The following ARFGEF3 variants were observed in gnomAD, a reference collection of about 807,000 sequenced individuals.
ARFGEF3 encodes brefeldin A-inhibited guanine nucleotide-exchange protein 3.
ARFGEF3 carries 96 observed loss-of-function variants against 221.7 expected under a neutral mutation model. The observed-to-expected ratio is 0.43, with a 90% CI of 0.37 to 0.51. ARFGEF3 has a LOEUF of 0.51. Among genes scored for constraint, ARFGEF3 ranks in the 20% least tolerant of loss-of-function variants. The pLI is 0.00. For missense variants in ARFGEF3, 2,410 were observed against 2,789.9 expected (o/e 0.86, Z 3.07); for synonymous variants, 1,145 against 1,126.8 (o/e 1.02, Z -0.32).
At chr6:138,278,659 G>A in intron 13 of ARFGEF3, 42 bp downstream of exon 13, 1 of 1,603,638 alleles carries the variant, frequency 6.2e-7, no homozygotes, top group East Asian at 2.2e-5. Flanking sequence ...AGGGCAGGCT[G>A]TAACTTCCTG....
chr6:138,219,472 G>A (rs938525809), intron 4 of ARFGEF3, among the ~76,000 whole-genome samples: 3 of 152,210 alleles, frequency 2.0e-5, no homozygotes, highest in Admixed American at 6.5e-5. Context: ...CTTTGGCATC[G>A]TGAAATATCT....
intron 5 of ARFGEF3, among the ~76,000 whole-genome samples, chr6:138,234,475 C>T (rs186229178): frequency 0.013 from 1,991 of 148,196 alleles, 29 homozygotes; most frequent in Middle Eastern, 0.059. Context: ...CAGTTCACCC[C>T]GTGTGTGTGT....
In ARFGEF3 at chr6:138,334,225, G is replaced by A. The variant is rs752439132; in HGVS notation, c.5379G>A (p.Leu1793=). ...ACACCAGCCCCGGGCTGAAGTGCCT[G>A]CTGAAGAAAGTGTCTGGCATCGGGG... ...EFDTSPGLKC[L]LKKVSGIGGA... The change falls in exon 33 of 34, where the codon CTG becomes CTA. Residue 1793 remains leucine (L), a synonymous_variant. Coordinates refer to ENST00000251691, the MANE Select transcript of ARFGEF3 (RefSeq NM_020340.5). This position sits in a 1 kb window ranked among gnomAD's most constrained non-coding sequence, Gnocchi z 5.1. 5.5e-5 allele frequency: 88 copies of A among 1,613,802 alleles called. No individual in the cohort carries two copies. Among genetic ancestry groups the A allele is most frequent in the Admixed American group, 2.5e-4 (15 of 59,992 alleles).
rs1361018307 is a variant in ARFGEF3 at position 138,289,863 on chromosome 6, A to G, written c.2942A>G (p.Gln981Arg). 1.9e-6 allele frequency: 3 copies of G among 1,613,844 alleles called. No individual in the cohort carries two copies. The highest frequency in any genetic ancestry group is 2.5e-6 in the Non-Finnish European group (3 of 1,179,852). Residue 981 changes from glutamine to arginine, a missense_variant, in exon 18 of 34, where the codon CAG becomes CGG. This residue lies in a region of ARFGEF3 where 594 missense variants were observed against 734.3 expected (regional missense o/e 0.81). Coordinates refer to ENST00000251691, the MANE Select transcript of ARFGEF3 (RefSeq NM_020340.5). The stretch of plus-strand genomic sequence containing the variant: ...AAACTGGAGCAGATTGGGAAGGTGC[A>G]GGGGGTGTGGCTGCACACTGCCCAC... ...EQKLEQIGKVQGVWLHTAHVL... is the reference protein window; with the variant it reads ...EQKLEQIGKVRGVWLHTAHVL...
chr6:138,308,688 C>A, intron 23 of ARFGEF3, 51 bp from the exon 24 acceptor site: 3 of 1,608,134 alleles, frequency 1.9e-6, no homozygotes, highest in Non-Finnish European at 2.6e-6. Context: ...CCCTGGCAAA[C>A]CCGAGGGCAG....
At chr6:138,167,888 C>T (rs914224335) in intron 1 of ARFGEF3, among the ~76,000 whole-genome samples, 4 of 152,168 alleles carry the variant, frequency 2.6e-5, no homozygotes, top group African/African-American at 7.2e-5. Context: ...TCTGTCCAGC[C>T]GTACATGGCC....
chr6:138,195,094 C>G (rs1319917542), intron 2 of ARFGEF3, among the ~76,000 whole-genome samples: 1 of 147,722 alleles, frequency 6.8e-6, no homozygotes, highest in Admixed American at 6.9e-5. Flanking sequence ...CCTCTGCCTC[C>G]CAGGTTCAAG....
At chr6:138,276,495 G>A (rs1350040089) in intron 12 of ARFGEF3, among the ~76,000 whole-genome samples, 2 of 151,606 alleles carry the variant, frequency 1.3e-5, no homozygotes, top group Non-Finnish European at 2.9e-5. Context: ...AGTATAAAAT[G>A]TCTTTTAAAA....
Position 138,291,762 on chromosome 6 carries a change from A to G in ARFGEF3, c.3077A>G (p.His1026Arg). ...RVCEYVGTLE[H>R]NHFSDGASQP... Reference sequence around the variant, plus strand: ...TGTGAATACGTGGGCACCCTGGAGCACAACCACTTCAGCGATGGTGCCTCG... The same window carrying G: ...TGTGAATACGTGGGCACCCTGGAGCGCAACCACTTCAGCGATGGTGCCTCG... The change falls in exon 19 of 34, where the codon CAC becomes CGC. Residue 1026 changes from histidine (H) to arginine (R), a missense_variant. Around this residue, in one of 5 missense-constraint regions of ARFGEF3, gnomAD observed 594 missense variants for 734.3 expected, o/e 0.81. Transcript: ENST00000251691. This position sits in a 1 kb window ranked among gnomAD's most constrained non-coding sequence, Gnocchi z 4.5. The G allele has an allele frequency of 1.4e-6, 2 of 1,441,562 alleles. No homozygotes were observed. Among genetic ancestry groups the G allele is most frequent in the Admixed American group, 2.6e-5 (1 of 38,338 alleles). The allele number at this position is 1,441,562 out of a possible 1,614,324, so 89.3% of individuals were successfully genotyped here.
rs1349315240 is a variant in ARFGEF3, at chr6:138,317,263, T to C, written c.4358T>C (p.Val1453Ala). The stretch of plus-strand genomic sequence containing the variant: ...TTTTGGTTTCCAGGTCTGATAGAAG[T>C]CTGGATAATCCTGCTGGAGCAGCTG... ...DFDDDTGLIEVWIILLEQLTA... is the reference protein window; with the variant it reads ...DFDDDTGLIEAWIILLEQLTA... Residue 1453 changes from valine to alanine, a missense_variant, in exon 27 of 34, where the codon GTC (valine) becomes GCC (alanine). Coordinates refer to ENST00000251691, the MANE Select transcript of ARFGEF3 (RefSeq NM_020340.5). The C allele has an allele frequency of 6.2e-7, 1 of 1,613,682 alleles. No individual in the cohort carries two copies. The highest frequency in any genetic ancestry group is 1.1e-5 in the South Asian group (1 of 91,010).
chr6:138,258,927 T>C (rs147922555), intron 10 of ARFGEF3, among the ~76,000 whole-genome samples: 1 of 152,326 alleles, frequency 6.6e-6, no homozygotes, highest in Non-Finnish European at 1.5e-5. Flanking sequence ...GGTCTCTAAA[T>C]GTGTTTTAAA....
At chr6:138,204,196 G>A (rs1398024960) in intron 2 of ARFGEF3, among the ~76,000 whole-genome samples, 1 of 151,708 alleles carries the variant, frequency 6.6e-6, no homozygotes, top group Non-Finnish European at 1.5e-5. Flanking sequence ...AAAATTAGTT[G>A]GGCATGGTGG....
Position 138,334,084 on chromosome 6 carries a change from G to A in ARFGEF3, c.5238G>A (p.Lys1746=), listed in dbSNP as rs1198995688. ...AAGGCCCCTCTCCTGGAGAGGAAAAGACGATACAAGTGCCAGAAGCCAAGC... is the reference window on the plus strand; with the variant it reads ...AAGGCCCCTCTCCTGGAGAGGAAAAAACGATACAAGTGCCAGAAGCCAAGC... ...FVKGPSPGEE[K]TIQVPEAKLA... is the part of the protein sequence containing the mutation. The change falls in exon 33 of 34, where the codon AAG becomes AAA. Residue 1746 remains lysine (K), a synonymous_variant. Transcript: ENST00000251691. This position sits in a 1 kb window ranked among gnomAD's most constrained non-coding sequence, Gnocchi z 5.1. 1.2e-6 allele frequency: 2 copies of A among 1,613,836 alleles called. No individual in the cohort carries two copies. Among genetic ancestry groups the A allele is most frequent in the Admixed American group, 1.7e-5 (1 of 59,992 alleles).
At chr6:138,276,691 A>T (rs1583044882) in intron 12 of ARFGEF3, among the ~76,000 whole-genome samples, 2 of 152,060 alleles carry the variant, frequency 1.3e-5, no homozygotes, top group African/African-American at 4.8e-5. Context: ...TTTGAGGCAG[A>T]GTATCTTTCT....
At chr6:138,177,087 T>A (rs1455519306) in intron 2 of ARFGEF3, among the ~76,000 whole-genome samples, 1 of 136,112 alleles carries the variant, frequency 7.3e-6, no homozygotes, top group Admixed American at 7.2e-5. Context: ...ATTTATTTAT[T>A]TATTTATTTA....
At chr6:138,311,621 C>A (rs1779833561) in intron 25 of ARFGEF3, 111 bp downstream of exon 25, 1 of 703,118 alleles carries the variant, frequency 1.4e-6, no homozygotes, top group Non-Finnish European at 2.4e-6. Context: ...ACTTTGCCGT[C>A]TGAGGAGATT....
intron 22 of ARFGEF3, among the ~76,000 whole-genome samples, chr6:138,299,886 C>A (rs180970238): frequency 6.6e-4 from 100 of 152,110 alleles, no homozygotes; most frequent in African/African-American, 2.2e-3. Context: ...TACAACCTAG[C>A]CCTTTTATGT....
chr6:138,188,311 C>A (rs895621113), intron 2 of ARFGEF3, among the ~76,000 whole-genome samples: 1 of 152,132 alleles, frequency 6.6e-6, no homozygotes, highest in African/African-American at 2.4e-5. Context: ...TAGGTTCCCC[C>A]CCTCCGGTAA....
chr6:138,250,880 G>A (rs563390007), intron 8 of ARFGEF3, among the ~76,000 whole-genome samples: 14 of 152,290 alleles, frequency 9.2e-5, no homozygotes, highest in Non-Finnish European at 2.1e-4. Context: ...TTTTGAAAGA[G>A]TTGGCTGGTT....
Sources: gnomAD v4.1 joint callset for allele counts (sites outside exome capture counted in the v4.1 genomes callset) on GRCh38, gnomAD v4.1.1 for gene constraint, gnomAD v4.1.1 regional missense constraint, Gnocchi (gnomAD v3.1) non-coding constraint, MANE v1.5 for transcripts, NCBI Gene and HGNC (gene_info 2026-07-23, HGNC 2026-07-21) for gene names.